The following LARP1 variants were observed in gnomAD, a reference collection of about 807,000 sequenced individuals.
LARP1 encodes La ribonucleoprotein 1, translational regulator.
A neutral mutation model predicts 122.7 loss-of-function variants in LARP1; 36 were observed. The observed-to-expected ratio is 0.29, with a 90% CI of 0.22 to 0.39. LARP1 has a LOEUF of 0.39. LARP1 is among the 10% of genes least tolerant of loss of function. The pLI, the probability that LARP1 is intolerant of heterozygous loss-of-function variation, is 1.00. For missense variants in LARP1, 1,040 were observed against 1,403.6 expected (o/e 0.74, Z 4.14); for synonymous variants, 539 against 528.7 (o/e 1.02, Z -0.27).
chr5:154,736,100 C>CTT lies in LARP1; in HGVS notation c.205+22982_205+22983dup, dbSNP rs1009971513. On this transcript the variant is annotated intron_variant, in intron 1 of 18. Coordinates refer to the LARP1 transcript ENST00000336314. ...ATACCCAGCTAAGTTTTTTAATTTTCTTTTTTTTTTTTTGAGATGGAGTCT... is the reference window on the plus strand; with the variant it reads ...ATACCCAGCTAAGTTTTTTAATTTTCTTTTTTTTTTTTTTTGAGATGGAGTCT... 2.8e-5 allele frequency among the ~76,000 whole-genome samples: 4 copies of CTT among 140,626 alleles called. No individual in the cohort carries two copies. The East Asian group carries it at 6.1e-4, about 22-fold the overall frequency. The allele number at this position is 140,626 out of a possible 152,430, so 92.3% of individuals were successfully genotyped here. A position where few individuals can be genotyped will look rare whatever the true frequency, so the allele number is the denominator to read the frequency against.
intron 1 of LARP1, among the ~76,000 whole-genome samples, chr5:154,788,177 G>C (rs947817990): frequency 2.6e-5 from 4 of 152,148 alleles, no homozygotes; most frequent in Admixed American, 2.6e-4. Flanking sequence ...TTTTGTCAGG[G>C]GACTAGATGG....
At chr5:154,786,125 C>G (rs766817194) in intron 1 of LARP1, among the ~76,000 whole-genome samples, 43 of 152,138 alleles carry the variant, frequency 2.8e-4, no homozygotes, top group Non-Finnish European at 5.4e-4. Flanking sequence ...TCACTGCAAC[C>G]TCCGCCTCCC....
chr5:154,685,168 CG>C (rs1753867307), intron 1 of LARP1, among the ~76,000 whole-genome samples: 1 of 151,612 alleles, frequency 6.6e-6, no homozygotes, highest in African/African-American at 2.4e-5. Context: ...CACTTGAACC[CG>C]GAGGGTGGAG....
At chr5:154,813,817 A>G in intron 18 of LARP1, 70 bp from the exon 19 acceptor site, 1 of 1,299,258 alleles carries the variant, frequency 7.7e-7, no homozygotes, top group East Asian at 2.3e-5. Flanking sequence ...GGAAGTGTCT[A>G]GACGGGCCTG....
At chr5:154,759,043 A>C (rs1176575213) in intron 1 of LARP1, among the ~76,000 whole-genome samples, 1 of 152,250 alleles carries the variant, frequency 6.6e-6, no homozygotes, top group Non-Finnish European at 1.5e-5. Flanking sequence ...GAGATGATAC[A>C]TAGCGAATAT....
intron 1 of LARP1, among the ~76,000 whole-genome samples, chr5:154,789,512 C>A (rs929953042): frequency 1.3e-5 from 2 of 152,114 alleles, no homozygotes; most frequent in African/African-American, 4.8e-5. Flanking sequence ...TGAGCCACTG[C>A]GCCTGGCCAC....
intron 18 of LARP1, 52 bp downstream of exon 18, chr5:154,811,692 C>T (rs1484846653): frequency 1.2e-6 from 2 of 1,606,198 alleles, no homozygotes; most frequent in African/African-American, 2.7e-5. Context: ...AAAACTGGAC[C>T]AGGAATCAGG....
intron 8 of LARP1, among the ~76,000 whole-genome samples, chr5:154,798,118 A>G (rs1297010888): frequency 6.6e-6 from 1 of 152,116 alleles, no homozygotes; most frequent in East Asian, 1.9e-4. Context: ...TTTGCTTCCA[A>G]GTTTTAGAGA....
chr5:154,764,726 G>A (rs1406597660), intron 1 of LARP1, among the ~76,000 whole-genome samples: 1 of 151,106 alleles, frequency 6.6e-6, no homozygotes, highest in Non-Finnish European at 1.5e-5. Context: ...CCAACATGGT[G>A]AAACCCAGTC....
chr5:154,760,193 CT>C (rs1258409220), intron 1 of LARP1, among the ~76,000 whole-genome samples: 3 of 152,166 alleles, frequency 2.0e-5, no homozygotes. Context: ...CTGCCTTGGC[CT>C]CCCAAAGTTT....
rs1218026588 is a variant in LARP1 at position 154,795,986 on chromosome 5, T to TTA, written c.1377+673_1377+674dup. Reference sequence around the variant, plus strand: ...TTTATACATATTATATATTTATATATTATATATTTTTATATATATTATATA... The same window carrying TTA: ...TTTATACATATTATATATTTATATATTATATATATTTTTATATATATTATATA... On this transcript the variant is annotated intron_variant, in intron 8 of 18. Transcript: ENST00000518297. Among the ~76,000 whole-genome samples the TTA allele has an allele frequency of 8.7e-5, 9 of 103,026 alleles. 1 individual carries two copies. Among genetic ancestry groups the TTA allele is most frequent in the Admixed American group, 7.4e-4 (5 of 6,732 alleles). 67.6% of individuals were successfully genotyped at this position (103,026 alleles called of 152,430 possible).
intron 1 of LARP1, 33 bp from the exon 2 acceptor site, chr5:154,790,292 T>A (rs990049636): frequency 6.3e-7 from 1 of 1,597,984 alleles, no homozygotes. Context: ...ACATGGGCTT[T>A]GCATTACTAA....
chr5:154,699,701 A>C (rs536999368), intron 1 of LARP1, among the ~76,000 whole-genome samples: 7 of 152,160 alleles, frequency 4.6e-5, no homozygotes, highest in Non-Finnish European at 7.4e-5. Context: ...TACTGTGTCC[A>C]CAGGAACTCC....
chr5:154,757,650 C>T (rs189156684), intron 1 of LARP1, among the ~76,000 whole-genome samples: 3 of 152,238 alleles, frequency 2.0e-5, no homozygotes, highest in Admixed American at 6.5e-5. Flanking sequence ...AGAAGCACTG[C>T]TAGTCCTAGG....
intron 1 of LARP1, among the ~76,000 whole-genome samples, chr5:154,788,763 A>G (rs545592362): frequency 7.2e-5 from 11 of 151,856 alleles, no homozygotes; most frequent in Non-Finnish European, 1.5e-4. Context: ...AAAAATTAAG[A>G]CATTTGTTTT....
At chr5:154,710,853 A>G (rs1755184734), upstream of LARP1, among the ~76,000 whole-genome samples, 1 of 152,070 alleles carries the variant, frequency 6.6e-6, no homozygotes, top group Non-Finnish European at 1.5e-5. Context: ...TCCCACACCA[A>G]AAGTCCTGGT....
Position 154,793,857 on chromosome 5 carries a change from A to T in LARP1, c.926A>T (p.Glu309Val), listed in dbSNP as rs1182931820. ...CCCCCCACCCCAGCCTGGCAACCAG[A>T]GATCAAACCGGAGCCTGCCTGGCAC... ...VAPPTPAWQP[E>V]IKPEPAWHDQ... is the part of the protein sequence containing the mutation. Residue 309 changes from glutamate to valine, a missense_variant, in exon 6 of 19, where the codon GAG becomes GTG. By Grantham distance (121) the Glu-to-Val change is moderately radical (BLOSUM62 -2). This residue lies in a region of LARP1 where 178 missense variants were observed against 178.3 expected (regional missense o/e 1.00). Coordinates refer to ENST00000518297, the MANE Select transcript of LARP1 (RefSeq NM_033551.3). The T allele has an allele frequency of 4.3e-6, 7 of 1,614,188 alleles. No individual in the cohort carries two copies. In the South Asian group the frequency reaches 6.6e-5, roughly 15 times the overall value.
intron 14 of LARP1, chr5:154,804,698 T>C (rs1373593973): frequency 2.3e-6 from 1 of 430,846 alleles, no homozygotes; most frequent in African/African-American, 2.1e-5. Flanking sequence ...AAAAAATACA[T>C]ATTTATTGGC....
chr5:154,695,958 G>C (rs1754453283), intron 1 of LARP1, among the ~76,000 whole-genome samples: 1 of 152,178 alleles, frequency 6.6e-6, no homozygotes, highest in Non-Finnish European at 1.5e-5. Flanking sequence ...TACGCTAGTA[G>C]GTCTTGCCAT....
Sources: allele counts gnomAD v4.1 joint callset (sites outside exome capture counted in the v4.1 genomes callset), GRCh38; gene constraint gnomAD v4.1.1; regional missense constraint gnomAD v4.1.1; transcripts MANE v1.5; gene names NCBI Gene and HGNC (gene_info 2026-07-23, HGNC 2026-07-21).